Variants in ALPK3 observed in about 807,000 individuals in gnomAD.
ALPK3 encodes the protein alpha kinase 3.
In ALPK3, 102 loss-of-function variants were observed where a neutral mutation model predicts 140.0. That is an observed-to-expected ratio of 0.73 (90% CI 0.62 to 0.86). The LOEUF (loss-of-function observed/expected upper bound fraction) is 0.86, where lower values mean the gene tolerates loss of function less well. Ranked by LOEUF, ALPK3 falls within the 40% of genes least tolerant of loss-of-function variation. The pLI is 0.00. For synonymous variants in ALPK3, 938 were observed against 898.5 expected (o/e 1.04, Z -0.79); for missense variants, 2,254 against 2,208.2 (o/e 1.02, Z -0.42).
chr15:84,865,711 C>T lies in ALPK3; in HGVS notation c.4723+1046C>T, dbSNP rs1177796116. 2.0e-5 allele frequency among the ~76,000 whole-genome samples: 3 copies of T among 152,222 alleles called. No homozygotes were observed. In the East Asian group the frequency reaches 5.8e-4, roughly 29 times the overall value. ...CGGAGGCTCACGCCTGTAATCCCAG[C>T]ACTTTGGGAGGCCGAGGCAGGTGGA... On this transcript the variant is annotated intron_variant, in intron 12 of 13. Transcript: ENST00000258888.
chr15:84,844,899 A>G (rs1364443754), intron 5 of ALPK3, among the ~76,000 whole-genome samples: 1 of 152,210 alleles, frequency 6.6e-6, no homozygotes, highest in Non-Finnish European at 1.5e-5. Flanking sequence ...AACCAACTAG[A>G]ATTCCAGAGC....
intron 2 of ALPK3, among the ~76,000 whole-genome samples, chr15:84,826,578 T>G (rs553555749): frequency 6.6e-6 from 1 of 152,224 alleles, no homozygotes; most frequent in East Asian, 1.9e-4. Context: ...CATGGTAGTT[T>G]GCTTCCTGGG....
intron 5 of ALPK3, among the ~76,000 whole-genome samples, chr15:84,841,581 G>A (rs1963668273): frequency 6.6e-6 from 1 of 152,204 alleles, no homozygotes; most frequent in Admixed American, 6.5e-5. Flanking sequence ...ATATGACTAT[G>A]GTGGGAAACA....
At chr15:84,823,238 A>G (rs2141545974) in intron 1 of ALPK3, 92 bp from the exon 2 acceptor site, 3 of 1,434,652 alleles carry the variant, frequency 2.1e-6, no homozygotes, top group South Asian at 2.3e-5. Flanking sequence ...TGGGCCCCAG[A>G]TGGTGGCCGA....
chr15:84,817,512 G>T lies in ALPK3; in HGVS notation c.60G>T (p.Gly20=). Residue 20 remains glycine, a synonymous_variant, in exon 1 of 14, where the codon GGG becomes GGT. Coordinates refer to ENST00000258888, the MANE Select transcript of ALPK3 (RefSeq NM_020778.5). ...GWGAGGRSGA[G]GDGEDDGPVW... is the part of the protein sequence containing the mutation. ...GCGCGGGTGGGCGGTCGGGGGCGGG[G>T]GGCGACGGTGAGGACGACGGCCCCG... The T allele has an allele frequency of 1.4e-6, 2 of 1,477,280 alleles. No homozygotes were observed. The highest frequency in any genetic ancestry group is 2.3e-4 in the Middle Eastern group (1 of 4,292). The allele number at this position is 1,477,280 out of a possible 1,614,324, so 91.5% of individuals were successfully genotyped here.
rs1229154219 is a variant in ALPK3 at position 84,868,801 on chromosome 15, G to T, written c.*345G>T. On this transcript the variant is annotated 3_prime_UTR_variant, in exon 14 of 14. Coordinates refer to ENST00000258888, the MANE Select transcript of ALPK3 (RefSeq NM_020778.5). Reference sequence around the variant, plus strand: ...CCTCTGCATGAGTTCTGCACCCCAAGCCCTTGCCCCAGCCCAGTCCAGCAG... The same window carrying T: ...CCTCTGCATGAGTTCTGCACCCCAATCCCTTGCCCCAGCCCAGTCCAGCAG... 2 of 307,588 alleles carry T rather than the reference G, an allele frequency of 6.5e-6. No homozygotes were observed. Among genetic ancestry groups the T allele is most frequent in the African/African-American group, 2.1e-5 (1 of 47,626 alleles). 19.1% of individuals were successfully genotyped at this position (307,588 alleles called of 1,614,324 possible).
At chr15:84,827,415 T>C in intron 2 of ALPK3, 69 bp from the exon 3 acceptor site, 2 of 1,600,876 alleles carry the variant, frequency 1.2e-6, no homozygotes, top group Non-Finnish European at 1.7e-6. Flanking sequence ...GGAAGCTGCC[T>C]TGGACAGGCC....
Position 84,868,405 on chromosome 15 carries a change from G to A in ALPK3, c.5067G>A (p.Leu1689=). 6.2e-7 allele frequency: 1 copy of A among 1,612,828 alleles called. No individual in the cohort carries two copies. The highest frequency in any genetic ancestry group is 8.5e-7 in the Non-Finnish European group (1 of 1,180,008). ...CAGAGCCAGTCACCACTCAGTTGTTGGGACAGCCTCCCACCCAAGAGGAGG... is the reference window on the plus strand; with the variant it reads ...CAGAGCCAGTCACCACTCAGTTGTTAGGACAGCCTCCCACCCAAGAGGAGG... ...QASEPVTTQL[L]GQPPTQEEGS... Residue 1689 remains leucine, a synonymous_variant, in exon 14 of 14, where the codon TTG becomes TTA. Coordinates refer to ENST00000258888, the MANE Select transcript of ALPK3 (RefSeq NM_020778.5).
chr15:84,827,558 G>C lies in ALPK3; in HGVS notation c.257G>C (p.Arg86Pro). The C allele has an allele frequency of 6.2e-7, 1 of 1,614,150 alleles. No individual in the cohort carries two copies. ...CTATTTGAGACCACGCTCAAGTCCC[G>C]GTCTGTGTCCGAGGACAGCGACGTC... ...QPLFETTLKS[R>P]SVSEDSDVRF... The change falls in exon 3 of 14, where the codon CGG becomes CCG. Residue 86 changes from arginine to proline, a missense_variant. Coordinates refer to ENST00000258888, the MANE Select transcript of ALPK3 (RefSeq NM_020778.5).
chr15:84,838,921 C>A lies in ALPK3; in HGVS notation c.305-59C>A. On this transcript the variant is annotated intron_variant, in intron 3 of 13. Coordinates refer to ENST00000258888, the MANE Select transcript of ALPK3 (RefSeq NM_020778.5). ...ACAGGCGTGAGCCACCGTGCCCGGC[C>A]TCTTCCCATTATTTTGGAACTGGCC... The A allele has an allele frequency of 2.0e-6, 3 of 1,499,986 alleles. No individual in the cohort carries two copies. The South Asian group carries it at 3.4e-5, about 17-fold the overall frequency. 92.9% of individuals were successfully genotyped at this position (1,499,986 alleles called of 1,614,324 possible). A position where few individuals can be genotyped will look rare whatever the true frequency, so the allele number is the denominator to read the frequency against.
intron 2 of ALPK3, among the ~76,000 whole-genome samples, chr15:84,826,006 G>A (rs1963482619): frequency 6.6e-6 from 1 of 152,184 alleles, no homozygotes; most frequent in Non-Finnish European, 1.5e-5. Flanking sequence ...GTTCAGGTAT[G>A]TGAGATTGGG....
intron 5 of ALPK3, among the ~76,000 whole-genome samples, chr15:84,844,582 C>G (rs979075191): frequency 6.6e-6 from 1 of 152,042 alleles, no homozygotes; most frequent in Non-Finnish European, 1.5e-5. Context: ...AAAGGCCGAG[C>G]GCAGTGGTTC....
At chr15:84,862,050 T>C (rs1315896651) in intron 9 of ALPK3, among the ~76,000 whole-genome samples, 1 of 152,206 alleles carries the variant, frequency 6.6e-6, no homozygotes, top group Non-Finnish European at 1.5e-5. Context: ...ATTCACACGA[T>C]ATTTCAGGTC....
chr15:84,817,491 G>C lies in ALPK3; in HGVS notation c.39G>C (p.Ala13=). The C allele has an allele frequency of 6.9e-7, 1 of 1,442,778 alleles. No individual in the cohort carries two copies. The highest frequency in any genetic ancestry group is 9.1e-7 in the Non-Finnish European group (1 of 1,104,916). 89.4% of individuals were successfully genotyped at this position (1,442,778 alleles called of 1,614,324 possible). ...SRRAPSRGWG[A]GGRSGAGGDG... is the part of the protein sequence containing the mutation. ...GGGCCCCCAGCCGGGGCTGGGGCGC[G>C]GGTGGGCGGTCGGGGGCGGGGGGCG... The change falls in exon 1 of 14, where the codon GCG becomes GCC. Residue 13 remains alanine, a synonymous_variant. Coordinates refer to ENST00000258888, the MANE Select transcript of ALPK3 (RefSeq NM_020778.5).
chr15:84,858,752 G>A (rs937448760), intron 6 of ALPK3, among the ~76,000 whole-genome samples, 197 bp downstream of exon 6: 1 of 152,198 alleles, frequency 6.6e-6, no homozygotes, highest in Non-Finnish European at 1.5e-5. Flanking sequence ...TCCACAGAGT[G>A]GAGATAACAG....
Position 84,839,064 on chromosome 15 carries a change from A to C in ALPK3, c.389A>C (p.His130Pro). 1 of 1,609,568 alleles carries C rather than the reference A, an allele frequency of 6.2e-7. No homozygotes were observed. The highest frequency in any genetic ancestry group is 2.2e-5 in the East Asian group (1 of 44,828). ...YCGLPKYEIT[H>P]QGNRHTLQLY... ...GGCTTGCCAAAATATGAGATCACTC[A>C]TCAGGGCAACCGCCACACACTGCAG... is the stretch of plus-strand genomic sequence containing the variant. The change falls in exon 4 of 14, where the codon CAT becomes CCT. Residue 130 changes from histidine (H) to proline (P), a missense_variant. Transcript: ENST00000258888.
chr15:84,833,373 A>G (rs1243841464), intron 3 of ALPK3, among the ~76,000 whole-genome samples: 3 of 152,198 alleles, frequency 2.0e-5, no homozygotes, highest in Non-Finnish European at 4.4e-5. Flanking sequence ...GCCTTTTCTA[A>G]TTAGCAAGGA....
In ALPK3 at chr15:84,870,968, C is replaced by G. The variant is rs917387663; in HGVS notation, c.*2512C>G. 2 of 152,406 alleles carry G rather than the reference C, an allele frequency of 1.3e-5. No homozygotes were observed. Among genetic ancestry groups the G allele is most frequent in the African/African-American group, 4.8e-5 (2 of 41,430 alleles). The allele number at this position is 152,406 out of a possible 1,614,324, so 9.4% of individuals were successfully genotyped here. On this transcript the variant is annotated 3_prime_UTR_variant, in exon 14 of 14. Transcript: ENST00000258888. ...GGGAATTCAAGATCATATCTAACTT[C>G]GAATTCCAGGGGTAATGACACGGCT...
intron 5 of ALPK3, among the ~76,000 whole-genome samples, chr15:84,846,468 C>T (rs751583703): frequency 2.0e-4 from 30 of 152,142 alleles, no homozygotes; most frequent in Non-Finnish European, 4.0e-4. Context: ...TAGAAAGTCT[C>T]AGCAAAGAGG....
Sources: gnomAD v4.1 joint callset for allele counts (sites outside exome capture counted in the v4.1 genomes callset) on GRCh38, gnomAD v4.1.1 for gene constraint, MANE v1.5 for transcripts, NCBI Gene and HGNC (gene_info 2026-07-23, HGNC 2026-07-21) for gene names.